The following SLC28A3 variants were observed in gnomAD, a reference collection of about 807,000 sequenced individuals.
SLC28A3 encodes the protein concentrative Na(+)-nucleoside cotransporter 3.
In SLC28A3, 68 loss-of-function variants were observed where a neutral mutation model predicts 84.2. The observed-to-expected ratio is 0.81, with a 90% CI of 0.66 to 0.99. The LOEUF is 0.99. Ranked by LOEUF, SLC28A3 falls within the 50% of genes least tolerant of loss-of-function variation. The pLI, the probability that SLC28A3 is intolerant of heterozygous loss-of-function variation, is 0.00. For missense variants in SLC28A3, 712 were observed against 841.5 expected (o/e 0.85, Z 1.90); for synonymous variants, 267 against 303.6 (o/e 0.88, Z 1.25).
intron 9 of SLC28A3, 88 bp from the exon 10 acceptor site, chr9:84,292,836 A>AAAAT: frequency 2.3e-6 from 2 of 871,542 alleles, no homozygotes; most frequent in Non-Finnish European, 3.4e-6. Context: ...AAACTGGTGT[A>AAAAT]AAATATTGAG....
chr9:84,352,059 T>C, the SLC28A3 span, among the ~76,000 whole-genome samples: 24 of 152,232 alleles, frequency 1.6e-4, no homozygotes, highest in Non-Finnish European at 2.9e-4. Flanking sequence ...TTTTGAATTA[T>C]TCATATATGT....
intron 1 of SLC28A3, among the ~76,000 whole-genome samples, chr9:84,323,648 T>C (rs531009754): frequency 3.9e-5 from 6 of 152,012 alleles, no homozygotes; most frequent in East Asian, 3.9e-4. Flanking sequence ...TGGTCTCGAA[T>C]TCCTAACCTC....
intron 1 of SLC28A3, among the ~76,000 whole-genome samples, chr9:84,329,659 G>A (rs2118571653): frequency 6.7e-6 from 1 of 149,970 alleles, no homozygotes; most frequent in South Asian, 2.1e-4. Flanking sequence ...GTGACAGAGT[G>A]AGACTCTGTC....
At chr9:84,337,045 C>G (rs1827000093) in intron 1 of SLC28A3, among the ~76,000 whole-genome samples, 1 of 152,138 alleles carries the variant, frequency 6.6e-6, no homozygotes, top group African/African-American at 2.4e-5. Flanking sequence ...GTAATCCCAG[C>G]ACTTTGGAAG....
At chr9:84,319,121 A>G (rs1024103758) in intron 1 of SLC28A3, among the ~76,000 whole-genome samples, 2 of 152,112 alleles carry the variant, frequency 1.3e-5, no homozygotes, top group Non-Finnish European at 2.9e-5. Flanking sequence ...GGAAAAGAAA[A>G]CGTAGGAGGT....
intron 2 of SLC28A3, among the ~76,000 whole-genome samples, chr9:84,312,593 C>T (rs1267778701): frequency 6.9e-6 from 1 of 144,294 alleles, no homozygotes; most frequent in East Asian, 2.0e-4. Flanking sequence ...GGCTGGAGTA[C>T]AGTGGTGCCA....
At chr9:84,296,215 G>A (rs531571543) in intron 8 of SLC28A3, among the ~76,000 whole-genome samples, 34 of 152,300 alleles carry the variant, frequency 2.2e-4, no homozygotes, top group Middle Eastern at 3.4e-3. Flanking sequence ...AGATGGCTGA[G>A]TTATCTCAGC....
At chr9:84,285,854 G>A (rs1588562658) in intron 13 of SLC28A3, 89 bp downstream of exon 13, 2 of 1,422,526 alleles carry the variant, frequency 1.4e-6, no homozygotes, top group Non-Finnish European at 1.9e-6. Context: ...GTCTACTGAG[G>A]TTAGGGTGGG....
the SLC28A3 span, among the ~76,000 whole-genome samples, chr9:84,367,903 G>A: frequency 6.6e-6 from 1 of 152,116 alleles, no homozygotes; most frequent in Non-Finnish European, 1.5e-5. Context: ...ATGAATGGTC[G>A]GCTTCACACG....
intron 2 of SLC28A3, among the ~76,000 whole-genome samples, chr9:84,310,013 TA>T (rs1825938717): frequency 6.6e-6 from 1 of 152,152 alleles, no homozygotes; most frequent in Non-Finnish European, 1.5e-5. Flanking sequence ...GTCTCTCTTG[TA>T]ATCAACCAAC....
Position 84,305,218 on chromosome 9 carries a change from A to G in SLC28A3, c.334+36T>C, listed in dbSNP as rs1825749816. ...GGAATCCCTGAAAAAAAAAAAAAAA[A>G]AGACAGTGGTATCCCTAACCATCTT... On this transcript the variant is annotated intron_variant, in intron 4 of 17. Coordinates refer to ENST00000376238, the MANE Select transcript of SLC28A3 (RefSeq NM_001199633.2). The G allele has an allele frequency of 4.0e-6, 6 of 1,501,574 alleles. No individual in the cohort carries two copies. The African/African-American group carries it at 4.3e-5, about 11-fold the overall frequency. The allele number at this position is 1,501,574 out of a possible 1,614,324, so 93.0% of individuals were successfully genotyped here. A position where few individuals can be genotyped will look rare whatever the true frequency, so the allele number is the denominator to read the frequency against.
intron 14 of SLC28A3, among the ~76,000 whole-genome samples, chr9:84,284,110 C>T (rs763905963): frequency 5.9e-5 from 9 of 152,140 alleles, no homozygotes; most frequent in African/African-American, 1.7e-4. Context: ...ACGCAGAGCC[C>T]GGTTTGCTCA....
chr9:84,361,634 C>T, the SLC28A3 span, among the ~76,000 whole-genome samples: 1 of 152,068 alleles, frequency 6.6e-6, no homozygotes, highest in African/African-American at 2.4e-5. Context: ...ATGCGTACTG[C>T]CTGGGCGTGA....
intron 1 of SLC28A3, among the ~76,000 whole-genome samples, chr9:84,314,746 T>G (rs1044043647): frequency 6.6e-6 from 1 of 152,228 alleles, no homozygotes; most frequent in Admixed American, 6.5e-5. Context: ...TAATGTTGCA[T>G]TAGCACAGCA....
intron 10 of SLC28A3, among the ~76,000 whole-genome samples, chr9:84,291,826 G>T (rs577973685): frequency 2.6e-5 from 4 of 152,160 alleles, no homozygotes; most frequent in East Asian, 3.9e-4. Context: ...TTTTCGTGGC[G>T]TGTGACTCCA....
At chr9:84,327,743 C>A (rs1050016525) in intron 1 of SLC28A3, among the ~76,000 whole-genome samples, 1 of 151,690 alleles carries the variant, frequency 6.6e-6, no homozygotes, top group African/African-American at 2.4e-5. Context: ...CCTGGTGAAA[C>A]CCCACCTCTA....
At chr9:84,347,677 G>C in the SLC28A3 span, among the ~76,000 whole-genome samples, 1 of 152,192 alleles carries the variant, frequency 6.6e-6, no homozygotes, top group Non-Finnish European at 1.5e-5. Flanking sequence ...CCAGTGCTTA[G>C]GTGAGGGGAT....
At chr9:84,353,585 C>T in the SLC28A3 span, among the ~76,000 whole-genome samples, 1,140 of 152,214 alleles carry the variant, frequency 7.5e-3, 16 homozygotes, top group African/African-American at 0.026. Context: ...TGATGCGCGC[C>T]TGTAATCCCA....
In SLC28A3 at chr9:84,312,148, T is replaced by A. The variant is rs145791930; in HGVS notation, c.156+1211A>T. Among the ~76,000 whole-genome samples, 400 of 152,358 alleles carry A rather than the reference T, an allele frequency of 2.6e-3. 2 individuals carry two copies. The highest frequency in any genetic ancestry group is 9.2e-3 in the African/African-American group (383 of 41,582). On this transcript the variant is annotated intron_variant, in intron 2 of 17. Coordinates refer to ENST00000376238, the MANE Select transcript of SLC28A3 (RefSeq NM_001199633.2). ...CCTACTGAAGGACATTTTGGTTACT[T>A]CCAAGTGTTGGCAATTACAAATAAA...
Sources: gnomAD v4.1 joint callset for allele counts (sites outside exome capture counted in the v4.1 genomes callset) on GRCh38, gnomAD v4.1.1 for gene constraint, MANE v1.5 for transcripts, NCBI Gene and HGNC (gene_info 2026-07-23, HGNC 2026-07-21) for gene names.